Variants in ZNF536 observed in about 807,000 individuals in gnomAD.
ZNF536 encodes zinc finger protein 536.
ZNF536 carries 13 observed loss-of-function variants against 84.5 expected under a neutral mutation model. The ratio of observed to expected loss-of-function variants is 0.15; its 90% CI spans 0.10 to 0.24. The LOEUF is 0.24. Among genes scored for constraint, ZNF536 ranks in the 10% least tolerant of loss-of-function variants. ZNF536 has a pLI of 1.00. For synonymous variants in ZNF536, 811 were observed against 742.5 expected (o/e 1.09, Z -1.50); for missense variants, 1,536 against 1,747.5 (o/e 0.88, Z 2.16).
chr19:30,651,183 C>T (rs377549642), intron 1 of ZNF536, among the ~76,000 whole-genome samples: 6 of 152,134 alleles, frequency 3.9e-5, no homozygotes, highest in African/African-American at 1.2e-4. Flanking sequence ...GGAGGGCGGG[C>T]GCCCACCTTC....
chr19:30,646,876 T>TA (rs985947287), intron 1 of ZNF536, among the ~76,000 whole-genome samples: 1 of 152,136 alleles, frequency 6.6e-6, no homozygotes, highest in African/African-American at 2.4e-5. Flanking sequence ...AAAAATTAAT[T>TA]AAAAAAACTC....
chr19:30,290,170 C>A (rs1287379844), intron 2 of ZNF536, among the ~76,000 whole-genome samples: 1 of 152,238 alleles, frequency 6.6e-6, no homozygotes. Context: ...CGAATGTCCT[C>A]AAGGTTCATC....
At chr19:30,575,837 C>T (rs2046712536) in intron 1 of ZNF536, among the ~76,000 whole-genome samples, 1 of 152,102 alleles carries the variant, frequency 6.6e-6, no homozygotes, top group Non-Finnish European at 1.5e-5. Flanking sequence ...TTGGGTGAGG[C>T]CCTGAGGACA....
intron 1 of ZNF536, among the ~76,000 whole-genome samples, chr19:30,430,636 A>T (rs2051414664): frequency 6.6e-6 from 1 of 152,298 alleles, no homozygotes; most frequent in South Asian, 2.1e-4. Flanking sequence ...GGAGTTCCCA[A>T]CAGGGGAAAT....
At chr19:30,679,201 G>C (rs1311369334) in intron 1 of ZNF536, among the ~76,000 whole-genome samples, 1 of 152,156 alleles carries the variant, frequency 6.6e-6, no homozygotes. Flanking sequence ...CCAGGCACCA[G>C]CCCGATTTTT....
intron 1 of ZNF536, among the ~76,000 whole-genome samples, chr19:30,673,010 T>C (rs1478354628): frequency 1.3e-5 from 2 of 152,144 alleles, no homozygotes; most frequent in African/African-American, 4.8e-5. Flanking sequence ...AGCCCATGAC[T>C]GGAGAACCCC....
At chr19:30,312,033 A>G (rs972555101) in intron 2 of ZNF536, among the ~76,000 whole-genome samples, 1 of 152,218 alleles carries the variant, frequency 6.6e-6, no homozygotes, top group African/African-American at 2.4e-5. Flanking sequence ...GCACCACTGC[A>G]CTTTGGCCAG....
chr19:30,368,461 G>A (rs893207603), upstream of ZNF536, among the ~76,000 whole-genome samples: 9 of 152,118 alleles, frequency 5.9e-5, no homozygotes, highest in African/African-American at 1.7e-4. Context: ...TCACACGGAC[G>A]TCCTGCTGAT....
chr19:30,496,851 G>A (rs1047395991), intron 2 of ZNF536, among the ~76,000 whole-genome samples: 1 of 152,058 alleles, frequency 6.6e-6, no homozygotes, highest in Admixed American at 6.5e-5. Flanking sequence ...ACACAGCTAC[G>A]AGGGGCGAGG....
At chr19:30,370,866 C>T (rs554143037), upstream of ZNF536, among the ~76,000 whole-genome samples, 27 of 152,296 alleles carry the variant, frequency 1.8e-4, no homozygotes, top group South Asian at 1.7e-3. Flanking sequence ...TTTGCAAAAA[C>T]GTAATTGCTT....
At chr19:30,368,146 C>G (rs2048497402), upstream of ZNF536, among the ~76,000 whole-genome samples, 1 of 152,198 alleles carries the variant, frequency 6.6e-6, no homozygotes, top group Non-Finnish European at 1.5e-5. Flanking sequence ...GAAGCATATA[C>G]TCCCCCACTC....
At chr19:30,568,170 G>T (rs2046419141) in intron 1 of ZNF536, among the ~76,000 whole-genome samples, 1 of 152,178 alleles carries the variant, frequency 6.6e-6, no homozygotes, top group African/African-American at 2.4e-5. Context: ...TGGCAATTGT[G>T]CAGACAGTAG....
chr19:30,639,961 C>G (rs2049204846), intron 1 of ZNF536, among the ~76,000 whole-genome samples: 1 of 152,200 alleles, frequency 6.6e-6, no homozygotes, highest in African/African-American at 2.4e-5. Context: ...TACTCACATA[C>G]TGGCCAGGTG....
chr19:30,429,544 G>A (rs2051359090), intron 1 of ZNF536, among the ~76,000 whole-genome samples: 1 of 152,272 alleles, frequency 6.6e-6, no homozygotes. Flanking sequence ...AGGCACTAAG[G>A]AGACAAATGA....
chr19:30,660,645 C>A (rs932677214), intron 1 of ZNF536, among the ~76,000 whole-genome samples: 1 of 151,976 alleles, frequency 6.6e-6, no homozygotes, highest in Non-Finnish European at 1.5e-5. Flanking sequence ...ATTCAATTAA[C>A]CTTCTTCTCA....
Position 30,361,604 on chromosome 19 carries a change from C to T in ZNF536, c.-3+9120C>T, listed in dbSNP as rs997721301. Reference sequence around the variant, plus strand: ...AGGCGTCAAACACGCGCCATGGACCCTTCTTTTTGGAGGTCTTTCTCTTTG... The same window carrying T: ...AGGCGTCAAACACGCGCCATGGACCTTTCTTTTTGGAGGTCTTTCTCTTTG... On this transcript the variant is annotated intron_variant, in intron 3 of 5. Coordinates refer to the ZNF536 transcript ENST00000585628. 5.3e-5 allele frequency among the ~76,000 whole-genome samples: 8 copies of T among 152,240 alleles called. No homozygotes were observed. In the East Asian group the frequency reaches 1.6e-3, roughly 30 times the overall value.
upstream of ZNF536, among the ~76,000 whole-genome samples, chr19:30,368,199 G>T (rs1227752915): frequency 6.6e-6 from 1 of 152,244 alleles, no homozygotes; most frequent in Non-Finnish European, 1.5e-5. Context: ...GGCTGCAGCA[G>T]CTACATGTTG....
intron 1 of ZNF536, among the ~76,000 whole-genome samples, chr19:30,609,976 A>T (rs143838770): frequency 5.9e-4 from 89 of 151,958 alleles, no homozygotes; most frequent in African/African-American, 2.1e-3. Flanking sequence ...CCATCCATTC[A>T]TTCAACCATC....
In ZNF536 at chr19:30,493,089, C is replaced by CTTT. The variant is rs201787656; in HGVS notation, c.2171-41733_2171-41731dup. On this transcript the variant is annotated intron_variant, in intron 2 of 4. Transcript: ENST00000355537. The stretch of plus-strand genomic sequence containing the variant: ...AATATCTCTCTTGCAATATTACTCA[C>CTTT]TTTTTTTTTTTTTTTTTTTTTTTTT... Among the ~76,000 whole-genome samples, 500 of 71,600 alleles carry CTTT rather than the reference C, an allele frequency of 7.0e-3. 78 individuals carry two copies. Among genetic ancestry groups the CTTT allele is most frequent in the African/African-American group, 0.022 (326 of 14,910 alleles). The allele number at this position is 71,600 out of a possible 152,430, so 47.0% of individuals were successfully genotyped here.
Sources: allele counts gnomAD v4.1 joint callset (sites outside exome capture counted in the v4.1 genomes callset), GRCh38; gene constraint gnomAD v4.1.1; transcripts MANE v1.5; gene names NCBI Gene and HGNC (gene_info 2026-07-23, HGNC 2026-07-21).